The following GPR158 variants were observed in gnomAD, a reference collection of about 807,000 sequenced individuals.
GPR158 encodes metabotropic glycine receptor.
A neutral mutation model predicts 78.2 loss-of-function variants in GPR158; 30 were observed. The observed-to-expected ratio is 0.38, with a 90% CI of 0.29 to 0.52. GPR158 has a LOEUF of 0.52. Ranked by LOEUF, GPR158 falls within the 20% of genes least tolerant of loss-of-function variation. GPR158 has a pLI of 0.83. For synonymous variants in GPR158, 581 were observed against 591.1 expected (o/e 0.98, Z 0.25); for missense variants, 1,463 against 1,523.5 (o/e 0.96, Z 0.66).
chr10:25,243,577 TC>T (rs936388445), intron 2 of GPR158, among the ~76,000 whole-genome samples: 1 of 152,194 alleles, frequency 6.6e-6, no homozygotes, highest in Admixed American at 6.5e-5. Context: ...GATATCACCT[TC>T]CCTGGAAAGA....
At chr10:25,520,707 C>T (rs557689423) in intron 5 of GPR158, among the ~76,000 whole-genome samples, 137 of 152,150 alleles carry the variant, frequency 9.0e-4, no homozygotes, top group East Asian at 8.7e-3. Context: ...GTCAGGGACC[C>T]GCTTGAGGAG....
At chr10:25,443,260 A>T (rs1835092347) in intron 4 of GPR158, among the ~76,000 whole-genome samples, 1 of 152,106 alleles carries the variant, frequency 6.6e-6, no homozygotes, top group East Asian at 1.9e-4. Flanking sequence ...TATTAAAAAA[A>T]ATTTTTTTGT....
At chr10:25,345,457 A>C (rs1855359679) in intron 2 of GPR158, among the ~76,000 whole-genome samples, 1 of 152,004 alleles carries the variant, frequency 6.6e-6, no homozygotes, top group Admixed American at 6.6e-5. Context: ...TTAATGTTAT[A>C]ATGTAGTCAT....
At chr10:25,418,160 GACATA>G (rs1291363755) in intron 4 of GPR158, among the ~76,000 whole-genome samples, 1 of 152,108 alleles carries the variant, frequency 6.6e-6, no homozygotes, top group Non-Finnish European at 1.5e-5. Flanking sequence ...ATGTTGAAGA[GACATA>G]ACATAGTATA....
At chr10:25,559,352 T>TG (rs1458079466) in intron 6 of GPR158, among the ~76,000 whole-genome samples, 1 of 152,178 alleles carries the variant, frequency 6.6e-6, no homozygotes, top group African/African-American at 2.4e-5. Context: ...AAGTATTCAG[T>TG]GGGGTAAGAC....
At chr10:25,347,628 A>G (rs1855390955) in intron 2 of GPR158, among the ~76,000 whole-genome samples, 1 of 152,070 alleles carries the variant, frequency 6.6e-6, no homozygotes, top group Admixed American at 6.6e-5. Flanking sequence ...ATGACTATCT[A>G]GAAAATTGGA....
chr10:25,280,691 C>T (rs767967218), intron 2 of GPR158, among the ~76,000 whole-genome samples: 1 of 151,586 alleles, frequency 6.6e-6, no homozygotes, highest in Non-Finnish European at 1.5e-5. Context: ...AGCCATAAAT[C>T]ACATATCAAC....
At chr10:25,282,521 G>A (rs574223178) in intron 2 of GPR158, among the ~76,000 whole-genome samples, 12 of 152,186 alleles carry the variant, frequency 7.9e-5, no homozygotes, top group African/African-American at 2.9e-4. Flanking sequence ...TAGTAAATGA[G>A]TGCTAAACCT....
In GPR158 at chr10:25,572,763, C is replaced by T. The variant is rs1837027416; in HGVS notation, c.1629C>T (p.Gly543=). The part of the protein sequence containing the change: ...ILLVVFWFLI[G]WTSSVCQNLE... ...TGGTAGTGTTTTGGTTTCTCATTGG[C>T]TGGACTTCATCTGTGTGCCAGAATT... Residue 543 remains glycine (G), a synonymous_variant, in exon 7 of 11, where the codon GGC becomes GGT. Coordinates refer to ENST00000376351, the MANE Select transcript of GPR158 (RefSeq NM_020752.3). 13 of 1,613,298 alleles carry T rather than the reference C, an allele frequency of 8.1e-6. No individual in the cohort carries two copies. Among genetic ancestry groups the T allele is most frequent in the Non-Finnish European group, 1.0e-5 (12 of 1,179,326 alleles).
At chr10:25,253,088 C>A (rs2491196) in intron 2 of GPR158, among the ~76,000 whole-genome samples, 1 of 149,686 alleles carries the variant, frequency 6.7e-6, no homozygotes, top group Non-Finnish European at 1.5e-5. Flanking sequence ...CAGGTGCGTC[C>A]GTCACCCCTT....
chr10:25,329,663 T>A (rs1855090719), intron 2 of GPR158, among the ~76,000 whole-genome samples: 1 of 151,798 alleles, frequency 6.6e-6, no homozygotes, highest in Non-Finnish European at 1.5e-5. Context: ...AATGTGGATA[T>A]TAAAGGAAAT....
At chr10:25,554,432 C>A (rs1836762351) in intron 6 of GPR158, among the ~76,000 whole-genome samples, 1 of 152,142 alleles carries the variant, frequency 6.6e-6, no homozygotes, top group Admixed American at 6.5e-5. Context: ...CTCTTATCAC[C>A]TGGGTCTCTC....
At chr10:25,490,874 A>T (rs1835800661) in intron 5 of GPR158, among the ~76,000 whole-genome samples, 1 of 152,184 alleles carries the variant, frequency 6.6e-6, no homozygotes, top group Non-Finnish European at 1.5e-5. Flanking sequence ...TACAGTGTGT[A>T]TACACAAAAT....
At chr10:25,489,260 C>A (rs1326266670) in intron 5 of GPR158, among the ~76,000 whole-genome samples, 2 of 152,134 alleles carry the variant, frequency 1.3e-5, no homozygotes, top group Non-Finnish European at 2.9e-5. Context: ...AAGGAAACTT[C>A]ACATTTAAAA....
chr10:25,412,131 A>T (rs1834599773), intron 3 of GPR158, 119 bp from the exon 4 acceptor site: 1 of 717,826 alleles, frequency 1.4e-6, no homozygotes, highest in African/African-American at 1.8e-5. Context: ...GAGGGTTGAC[A>T]AAAGGTCTTT....
chr10:25,387,846 G>T (rs1649265427), intron 2 of GPR158, among the ~76,000 whole-genome samples: 1 of 152,128 alleles, frequency 6.6e-6, no homozygotes, highest in Admixed American at 6.5e-5. Flanking sequence ...GTTTAAGGAA[G>T]ATTGTTGTTT....
rs1310862547 is a variant in GPR158, at chr10:25,572,877, G to T, written c.1743G>T (p.Met581Ile). The change falls in exon 7 of 11, where the codon ATG (methionine) becomes ATT (isoleucine). Residue 581 changes from methionine to isoleucine, a missense_variant. Transcript: ENST00000376351. ...NMCLIDRWDY[M>I]TAVAEFLFLL... ...GCCTCATTGACCGCTGGGACTACATGACAGCAGTTGGTATGTGGTCACTTG... is the reference window on the plus strand; with the variant it reads ...GCCTCATTGACCGCTGGGACTACATTACAGCAGTTGGTATGTGGTCACTTG... 1 of 1,576,318 alleles carries T rather than the reference G, an allele frequency of 6.3e-7. No individual in the cohort carries two copies. Among genetic ancestry groups the T allele is most frequent in the Admixed American group, 1.7e-5 (1 of 59,960 alleles).
At chr10:25,459,847 A>G (rs917134937) in intron 4 of GPR158, among the ~76,000 whole-genome samples, 8 of 152,208 alleles carry the variant, frequency 5.3e-5, no homozygotes, top group African/African-American at 1.9e-4. Flanking sequence ...TTTTTTGTCT[A>G]TGGGTTTGAT....
At chr10:25,241,722 C>T (rs1181280288) in intron 2 of GPR158, among the ~76,000 whole-genome samples, 1 of 152,026 alleles carries the variant, frequency 6.6e-6, no homozygotes, top group African/African-American at 2.4e-5. Flanking sequence ...GTGCCTGGCC[C>T]TTTTACTTTG....
Sources: allele counts gnomAD v4.1 joint callset (sites outside exome capture counted in the v4.1 genomes callset), GRCh38; gene constraint gnomAD v4.1.1; transcripts MANE v1.5; gene names NCBI Gene and HGNC (gene_info 2026-07-23, HGNC 2026-07-21).